APC: variants seen among roughly 807,000 people sequenced by gnomAD.
The protein encoded by APC is adenomatous polyposis coli protein.
A neutral mutation model predicts 247.0 loss-of-function variants in APC; 72 were observed. The ratio of observed to expected loss-of-function variants is 0.29; its 90% CI spans 0.24 to 0.35. APC has a LOEUF of 0.35. APC is among the 10% of genes least tolerant of loss of function. The pLI is 1.00. For missense variants in APC, 3,400 were observed against 3,360.7 expected, an observed-to-expected ratio of 1.01 and a Z score of -0.29; for synonymous variants, 1,254 against 1,162.5, an observed-to-expected ratio of 1.08 and a Z score of -1.60.
intron 1 of APC, among the ~76,000 whole-genome samples, chr5:112,709,760 C>A (rs1269131001): frequency 6.6e-6 from 1 of 152,022 alleles, no homozygotes; most frequent in Non-Finnish European, 1.5e-5. Context: ...CAAAAATAAG[C>A]CAGGCATGGT....
intron 2 of APC, among the ~76,000 whole-genome samples, chr5:112,756,148 G>A (rs1296234026): frequency 6.6e-6 from 1 of 152,040 alleles, no homozygotes; most frequent in Non-Finnish European, 1.5e-5. Context: ...AGACTTTTGT[G>A]TGTCACTGAG....
chr5:112,804,296 CCTG>C (rs1761136249), intron 8 of APC, among the ~76,000 whole-genome samples: 1 of 152,230 alleles, frequency 6.6e-6, no homozygotes. Flanking sequence ...TTAAGCCACA[CCTG>C]CTCCTCACTG....
chr5:112,743,948 C>G (rs975698725), intron 1 of APC, among the ~76,000 whole-genome samples: 2 of 152,130 alleles, frequency 1.3e-5, no homozygotes, highest in Admixed American at 1.3e-4. Flanking sequence ...AAGCAGTCCT[C>G]CCAACTGAGC....
chr5:112,784,729 C>G (rs1427019595), intron 6 of APC, among the ~76,000 whole-genome samples: 1 of 151,992 alleles, frequency 6.6e-6, no homozygotes, highest in Non-Finnish European at 1.5e-5. Flanking sequence ...AATATGGGAT[C>G]TCATTTGCAA....
At chr5:112,734,854 G>C (rs574881326), upstream of APC, among the ~76,000 whole-genome samples, 1 of 146,332 alleles carries the variant, frequency 6.8e-6, no homozygotes, top group African/African-American at 2.5e-5. Flanking sequence ...ACAGTGGTGT[G>C]ATCTCGGCTC....
intron 1 of APC, among the ~76,000 whole-genome samples, chr5:112,725,832 CT>C (rs1751745002): frequency 6.6e-6 from 1 of 152,144 alleles, no homozygotes. Flanking sequence ...TTGAGAAAAT[CT>C]AAGTATTTGA....
upstream of APC, among the ~76,000 whole-genome samples, chr5:112,735,911 C>G (rs543818482): frequency 1.7e-4 from 26 of 152,262 alleles, 1 homozygote; most frequent in South Asian, 5.4e-3. Context: ...AAAATTTAGA[C>G]AAACATTTTG....
rs1179438923 is a variant in APC, at chr5:112,841,469, A to C, written c.5875A>C (p.Thr1959Pro). ...GTTACAGAATTTTGCTATTGAAAAT[A>C]CTCCGGTTTGCTTTTCTCATAATTC... ...EKLQNFAIEN[T>P]PVCFSHNSSL... Residue 1959 changes from threonine (T) to proline (P), a missense_variant, in exon 16 of 16, where the codon ACT (threonine) becomes CCT (proline). By Grantham distance (38) the Thr-to-Pro change is conservative. Transcript: ENST00000257430. This position sits in a 1 kb window ranked among gnomAD's most constrained non-coding sequence, Gnocchi z 4.6. 2 of 1,613,632 alleles carry C rather than the reference A, an allele frequency of 1.2e-6. No homozygotes were observed. The highest frequency in any genetic ancestry group is 3.3e-5 in the Admixed American group (2 of 59,998).
intron 2 of APC, among the ~76,000 whole-genome samples, chr5:112,758,308 T>G: frequency 7.4e-6 from 1 of 135,946 alleles, no homozygotes; most frequent in South Asian, 2.7e-4. Flanking sequence ...TTGTTTTTTT[T>G]GTTTGTTTGT....
rs1765711315 is a variant in APC at position 112,840,162 on chromosome 5, G to C, written c.4568G>C (p.Arg1523Thr). 6.2e-7 allele frequency: 1 copy of C among 1,614,052 alleles called. No homozygotes were observed. Among genetic ancestry groups the C allele is most frequent in the East Asian group, 2.2e-5 (1 of 44,886 alleles). The change falls in exon 16 of 16, where the codon AGA (arginine) becomes ACA (threonine). Residue 1523 changes from arginine to threonine, a missense_variant. By Grantham distance (71) the Arg-to-Thr change is moderately conservative. Coordinates refer to ENST00000257430, the MANE Select transcript of APC (RefSeq NM_000038.6). The surrounding 1 kb of genome is among the most constrained non-coding windows in gnomAD (Gnocchi z 4.1). ...EPFIQKDVEL[R>T]IMPPVQENDN... The stretch of plus-strand genomic sequence containing the variant: ...TTTATACAGAAAGATGTGGAATTAA[G>C]AATAATGCCTCCAGTTCAGGAAAAT...
chr5:112,751,934 G>C (rs1754424193), intron 1 of APC, among the ~76,000 whole-genome samples: 1 of 151,856 alleles, frequency 6.6e-6, no homozygotes, highest in Non-Finnish European at 1.5e-5. Context: ...ACAAGAATGG[G>C]TATTAAATTT....
intron 1 of APC, among the ~76,000 whole-genome samples, chr5:112,727,494 T>C (rs1440091227): frequency 1.3e-5 from 2 of 152,240 alleles, no homozygotes; most frequent in Non-Finnish European, 2.9e-5. Context: ...TACTATGCCC[T>C]ATATTTATTC....
At position 112,828,861 on chromosome 5, in the gene APC, T is replaced by C. The variant is rs758661066; in HGVS notation, c.1632T>C (p.Ile544=). The change falls in exon 14 of 16, where the codon ATT becomes ATC. Residue 544 remains isoleucine, a synonymous_variant. Coordinates refer to ENST00000257430, the MANE Select transcript of APC (RefSeq NM_000038.6). ...KSESEDLQQV[I]ASVLRNLSWR... ...TAAAATTGATTAATTTGCAGGTTAT[T>C]GCGAGTGTTTTGAGGAATTTGTCTT... 1.9e-6 allele frequency: 3 copies of C among 1,608,030 alleles called. No homozygotes were observed. Among genetic ancestry groups the C allele is most frequent in the Non-Finnish European group, 2.6e-6 (3 of 1,174,610 alleles).
Position 112,719,679 on chromosome 5 carries a change from TGC to T in APC, c.165+11800_165+11801del, listed in dbSNP as rs1029034037. Among the ~76,000 whole-genome samples, 188 of 151,784 alleles carry T rather than the reference TGC, an allele frequency of 1.2e-3. 3 individuals are homozygous for T. The highest frequency in any genetic ancestry group is 4.4e-3 in the African/African-American group (180 of 41,370). On this transcript the variant is annotated intron_variant, in intron 1 of 13. Coordinates refer to the APC transcript ENST00000507379. ...CCTAGTGAGTAGCTGGAATGACAGG[TGC>T]GCACCATCACACCCGGCTAATTTTT...
Position 112,835,058 on chromosome 5 carries a change from T to G in APC, c.1851T>G (p.Val617=), listed in dbSNP as rs1554083163. The G allele has an allele frequency of 6.2e-7, 1 of 1,614,170 alleles. No individual in the cohort carries two copies. Among genetic ancestry groups the G allele is most frequent in the Non-Finnish European group, 8.5e-7 (1 of 1,180,014 alleles). The change falls in exon 15 of 16, where the codon GTT becomes GTG. Residue 617 remains valine, a synonymous_variant. Transcript: ENST00000257430. ...TAGATGGTGCACTTGCATTTTTGGT[T>G]GGCACTCTTACTTACCGGAGCCAGA... The part of the protein sequence containing the change: ...CAVDGALAFL[V]GTLTYRSQTN...
intron 1 of APC, among the ~76,000 whole-genome samples, chr5:112,747,652 G>A (rs1407014567): frequency 6.6e-6 from 1 of 152,048 alleles, no homozygotes. Flanking sequence ...AATAAAGATG[G>A]GAGCTTACAA....
chr5:112,829,093 G>A (rs773033472), intron 14 of APC, 121 bp downstream of exon 14: 2 of 721,888 alleles, frequency 2.8e-6, no homozygotes, highest in Non-Finnish European at 4.9e-6. Context: ...ACTATAATAT[G>A]AATTTCATGT....
At chr5:112,792,066 T>C (rs371430041) in intron 6 of APC, among the ~76,000 whole-genome samples, 2 of 152,048 alleles carry the variant, frequency 1.3e-5, no homozygotes, top group East Asian at 3.9e-4. Flanking sequence ...GCCAGTATGG[T>C]GAAACCCCAT....
chr5:112,828,825 A>G lies in APC; in HGVS notation c.1627-31A>G, dbSNP rs750308022. ...AAAAGCAACTAGTATGATTTTATGT[A>G]TAAATTAATCTAAAATTGATTAATT... is the stretch of plus-strand genomic sequence containing the variant. On this transcript the variant is annotated intron_variant, in intron 13 of 15. Coordinates refer to ENST00000257430, the MANE Select transcript of APC (RefSeq NM_000038.6). 2.7e-6 allele frequency: 4 copies of G among 1,469,868 alleles called. No individual in the cohort carries two copies. In the South Asian group the frequency reaches 4.6e-5, roughly 17 times the overall value. The allele number at this position is 1,469,868 out of a possible 1,614,324, so 91.1% of individuals were successfully genotyped here. A position where few individuals can be genotyped will look rare whatever the true frequency, so the allele number is the denominator to read the frequency against.
Sources: gnomAD v4.1 joint callset for allele counts (sites outside exome capture counted in the v4.1 genomes callset) on GRCh38, gnomAD v4.1.1 for gene constraint, Gnocchi (gnomAD v3.1) non-coding constraint, MANE v1.5 for transcripts, NCBI Gene and HGNC (gene_info 2026-07-23, HGNC 2026-07-21) for gene names.